Variants in PLCB1 observed in about 807,000 individuals in gnomAD.
PLCB1 encodes the protein 1-phosphatidylinositol 4,5-bisphosphate phosphodiesterase beta-1.
In PLCB1, 46 loss-of-function variants were observed where a neutral mutation model predicts 161.8. The ratio of observed to expected loss-of-function variants is 0.28; its 90% CI spans 0.22 to 0.36. The LOEUF (loss-of-function observed/expected upper bound fraction) is 0.36. Ranked by LOEUF, PLCB1 falls within the 10% of genes least tolerant of loss-of-function variation. The probability of loss-of-function intolerance (pLI) is 1.00; values close to 1 mark genes in which losing one functional copy is unlikely to be tolerated. For synonymous variants in PLCB1, 517 were observed against 503.7 expected (o/e 1.03, Z -0.35); for missense variants, 1,016 against 1,472.5 (o/e 0.69, Z 5.07).
intron 10 of PLCB1, among the ~76,000 whole-genome samples, chr20:8,695,669 T>C (rs758027096): frequency 1.3e-5 from 2 of 152,154 alleles, no homozygotes; most frequent in Non-Finnish European, 2.9e-5. Flanking sequence ...ACCACTGCAC[T>C]CTAGCCTCGG....
At chr20:8,864,011 A>G (rs1987342629) in intron 31 of PLCB1, among the ~76,000 whole-genome samples, 2 of 152,246 alleles carry the variant, frequency 1.3e-5, no homozygotes, top group South Asian at 4.1e-4. Context: ...TCACTGATGT[A>G]TCAAGAGATA....
chr20:8,629,364 A>G (rs1343760166), intron 4 of PLCB1, among the ~76,000 whole-genome samples: 5 of 152,222 alleles, frequency 3.3e-5, no homozygotes, highest in Non-Finnish European at 5.9e-5. Flanking sequence ...AGCCTTTCAG[A>G]TATTTACAAA....
intron 2 of PLCB1, among the ~76,000 whole-genome samples, chr20:8,178,470 T>C (rs1295555745): frequency 6.6e-6 from 1 of 152,232 alleles, no homozygotes; most frequent in East Asian, 1.9e-4. Flanking sequence ...GTTCATGTCC[T>C]CTGCCTACTT....
intron 31 of PLCB1, among the ~76,000 whole-genome samples, chr20:8,797,256 T>A (rs1984072408): frequency 6.6e-6 from 1 of 152,134 alleles, no homozygotes; most frequent in African/African-American, 2.4e-5. Context: ...GCATTTAGTA[T>A]TTTTTTCTTA....
chr20:8,469,090 T>G (rs1314109659), intron 3 of PLCB1, among the ~76,000 whole-genome samples: 1 of 152,082 alleles, frequency 6.6e-6, no homozygotes, highest in Admixed American at 6.6e-5. Flanking sequence ...ACACTTTGAG[T>G]AGCAAAGCTT....
intron 17 of PLCB1, among the ~76,000 whole-genome samples, chr20:8,728,548 C>T (rs554173952): frequency 6.6e-6 from 1 of 152,068 alleles, no homozygotes. Flanking sequence ...AATTAGCAGA[C>T]AGCATTTCAA....
rs545209884 is a variant in PLCB1 at position 8,873,819 on chromosome 20, CACTT to C, written c.3424-7800_3424-7797del. On this transcript the variant is annotated intron_variant, in intron 31 of 31. Transcript: ENST00000338037. ...GAGCCTTATGATTTTTTTACAGAAA[CACTT>C]ACGTTTTATTCATGTTTTTGCTGTT... Among the ~76,000 whole-genome samples, 328 of 152,112 alleles carry C rather than the reference CACTT, an allele frequency of 2.2e-3. 3 individuals are homozygous for C. Among genetic ancestry groups the C allele is most frequent in the South Asian group, 0.021 (102 of 4,826 alleles).
chr20:8,271,581 C>G (rs1982283198), intron 2 of PLCB1, among the ~76,000 whole-genome samples: 1 of 151,964 alleles, frequency 6.6e-6, no homozygotes, highest in Non-Finnish European at 1.5e-5. Context: ...TGCAGAGGCT[C>G]CTCAAAGAAG....
chr20:8,717,583 T>C, intron 13 of PLCB1, 88 bp from the exon 14 acceptor site: 1 of 966,840 alleles, frequency 1.0e-6, no homozygotes, highest in South Asian at 1.7e-5. Flanking sequence ...TCTAGACATT[T>C]GGTATCCACA....
intron 2 of PLCB1, among the ~76,000 whole-genome samples, chr20:8,173,062 C>T (rs1187792632): frequency 1.3e-5 from 2 of 152,196 alleles, no homozygotes; most frequent in African/African-American, 4.8e-5. Context: ...AAATGCTCTT[C>T]TTCCTGACCA....
At chr20:8,435,883 T>C (rs954707586) in intron 3 of PLCB1, among the ~76,000 whole-genome samples, 3 of 152,232 alleles carry the variant, frequency 2.0e-5, no homozygotes, top group Non-Finnish European at 4.4e-5. Context: ...TGGTTTTGAC[T>C]GACCCCAGAT....
intron 2 of PLCB1, among the ~76,000 whole-genome samples, chr20:8,181,203 C>A (rs2051839258): frequency 7.4e-6 from 1 of 136,022 alleles, no homozygotes; most frequent in Non-Finnish European, 1.5e-5. Context: ...GAGCCGAGAT[C>A]ATGCCACTGC....
chr20:8,773,037 GT>G (rs751510652), intron 26 of PLCB1, among the ~76,000 whole-genome samples: 2 of 152,174 alleles, frequency 1.3e-5, no homozygotes, highest in African/African-American at 2.4e-5. Context: ...TAGAATGTCC[GT>G]CCTCATTTGG....
intron 3 of PLCB1, among the ~76,000 whole-genome samples, chr20:8,499,864 G>T (rs182251431): frequency 1.3e-5 from 2 of 152,156 alleles, no homozygotes; most frequent in Admixed American, 6.5e-5. Flanking sequence ...TGTTTTCGGT[G>T]CAGGGAACAC....
At chr20:8,505,883 C>T (rs1049308412) in intron 3 of PLCB1, among the ~76,000 whole-genome samples, 5 of 152,252 alleles carry the variant, frequency 3.3e-5, no homozygotes, top group Admixed American at 3.3e-4. Context: ...AAATTACTTG[C>T]TATTATTATT....
chr20:8,371,439 A>C lies in PLCB1; in HGVS notation c.235A>C (p.Lys79Gln). ...AGATGCCAGATGTGGGAGACACGCC[A>C]AAGCTCCCAAGGTAGGAGGTTGAGT... is the stretch of plus-strand genomic sequence containing the variant. ...VKDARCGRHA[K>Q]APKDPKLREL... The change falls in exon 3 of 32, where the codon AAA becomes CAA. Residue 79 changes from lysine to glutamine, a missense_variant. Physicochemically the swap from Lys to Gln is moderately conservative, Grantham distance 53. Around this residue, in one of 10 missense-constraint regions of PLCB1, gnomAD observed 181 missense variants for 236.7 expected, o/e 0.76. Transcript: ENST00000338037. 1 of 1,612,574 alleles carries C rather than the reference A, an allele frequency of 6.2e-7. No individual in the cohort carries two copies. Among genetic ancestry groups the C allele is most frequent in the Non-Finnish European group, 8.5e-7 (1 of 1,178,670 alleles).
chr20:8,780,793 C>T (rs1310307658), intron 27 of PLCB1, among the ~76,000 whole-genome samples: 1 of 152,212 alleles, frequency 6.6e-6, no homozygotes, highest in Non-Finnish European at 1.5e-5. Flanking sequence ...TGCTCCTCCA[C>T]CAAGTCACTG....
chr20:8,806,531 G>C (rs1275863544), intron 31 of PLCB1, among the ~76,000 whole-genome samples: 1 of 152,036 alleles, frequency 6.6e-6, no homozygotes, highest in African/African-American at 2.4e-5. Flanking sequence ...TTCAACAACA[G>C]ACTCAGTGGG....
intron 31 of PLCB1, among the ~76,000 whole-genome samples, chr20:8,806,377 T>C (rs565942993): frequency 1.3e-5 from 2 of 152,248 alleles, no homozygotes; most frequent in East Asian, 3.9e-4. Context: ...TGTCTATGGC[T>C]GCTGAAAACT....
Sources: allele counts gnomAD v4.1 joint callset (sites outside exome capture counted in the v4.1 genomes callset), GRCh38; gene constraint gnomAD v4.1.1; regional missense constraint gnomAD v4.1.1; transcripts MANE v1.5; gene names NCBI Gene and HGNC (gene_info 2026-07-23, HGNC 2026-07-21).